The following DNAH8 variants were observed in gnomAD, a reference collection of about 807,000 sequenced individuals.
DNAH8 encodes the protein dynein axonemal heavy chain 8, also known as axonemal beta dynein heavy chain 8.
In DNAH8, 382 loss-of-function variants were observed where a neutral mutation model predicts 562.1. The observed-to-expected ratio is 0.68, with a 90% CI of 0.63 to 0.74. The LOEUF is 0.74. DNAH8 is among the 30% of genes least tolerant of loss of function. The pLI is 0.00. For synonymous variants in DNAH8, 1,881 were observed against 1,919.4 expected (o/e 0.98, Z 0.52); for missense variants, 5,203 against 5,620.4 (o/e 0.93, Z 2.37).
intron 76 of DNAH8, among the ~76,000 whole-genome samples, chr6:38,932,580 T>C (rs1436415606): frequency 6.6e-6 from 1 of 152,190 alleles, no homozygotes; most frequent in African/African-American, 2.4e-5. Context: ...ATGCATAAAA[T>C]ATAATTGCAT....
At chr6:38,731,066 A>G (rs1310553093) in intron 4 of DNAH8, among the ~76,000 whole-genome samples, 1 of 152,150 alleles carries the variant, frequency 6.6e-6, no homozygotes, top group Non-Finnish European at 1.5e-5. Flanking sequence ...TGTTTAATAT[A>G]TGTCTTGTTT....
intron 36 of DNAH8, among the ~76,000 whole-genome samples, chr6:38,847,642 C>T (rs574335925): frequency 6.6e-6 from 1 of 152,234 alleles, no homozygotes; most frequent in South Asian, 2.1e-4. Flanking sequence ...AAACCCCATT[C>T]TACATGTGAA....
intron 65 of DNAH8, among the ~76,000 whole-genome samples, 164 bp from the exon 66 acceptor site, chr6:38,911,304 A>C (rs912006572): frequency 3.3e-5 from 5 of 152,172 alleles, no homozygotes; most frequent in African/African-American, 1.2e-4. Context: ...CATCAGACAG[A>C]TTTAGTCCTT....
chr6:38,905,990 C>G (rs952343768), intron 62 of DNAH8, among the ~76,000 whole-genome samples: 1 of 152,066 alleles, frequency 6.6e-6, no homozygotes, highest in African/African-American at 2.4e-5. Context: ...ACTGCAACCT[C>G]TGCCTCCCGG....
Position 38,791,630 on chromosome 6 carries a change from G to A in DNAH8, c.2857G>A (p.Glu953Lys). The A allele has an allele frequency of 1.9e-6, 3 of 1,614,004 alleles. No homozygotes were observed. Among genetic ancestry groups the A allele is most frequent in the Non-Finnish European group, 2.5e-6 (3 of 1,179,934 alleles). The change falls in exon 21 of 93, where the codon GAA (glutamate) becomes AAA (lysine). Residue 953 changes from glutamate to lysine, a missense_variant. Coordinates refer to ENST00000327475, the MANE Select transcript of DNAH8 (RefSeq NM_001206927.2). ...IAKTVLISLP[E>K]SGATKVEDML... The stretch of plus-strand genomic sequence containing the variant: ...CAAAACTGTGTTGATTTCTCTGCCT[G>A]AAAGTGGTGCTACCAAAGTAGAAGA...
intron 91 of DNAH8, among the ~76,000 whole-genome samples, chr6:39,018,307 A>C (rs1766688126): frequency 6.6e-6 from 1 of 152,100 alleles, no homozygotes; most frequent in African/African-American, 2.4e-5. Flanking sequence ...CACTGTGCTG[A>C]AGCTGCTCTC....
chr6:38,872,873 T>C, intron 50 of DNAH8, 33 bp from the exon 51 acceptor site: 2 of 1,608,466 alleles, frequency 1.2e-6, no homozygotes, highest in Middle Eastern at 1.7e-4. Context: ...TACTTGCAAG[T>C]GAAAAGTGAT....
intron 53 of DNAH8, 52 bp from the exon 54 acceptor site, chr6:38,882,858 T>G (rs1207973358): frequency 7.9e-7 from 1 of 1,267,530 alleles, no homozygotes; most frequent in East Asian, 2.7e-5. Flanking sequence ...TATTATGAGA[T>G]AACTTTCACA....
chr6:38,913,001 G>T (rs777063419), intron 66 of DNAH8, among the ~76,000 whole-genome samples: 28 of 152,150 alleles, frequency 1.8e-4, no homozygotes, highest in Admixed American at 2.6e-4. Flanking sequence ...TAGAGACAGG[G>T]TTTTGCCATG....
At position 38,984,249 on chromosome 6, in the gene DNAH8, A is replaced by G; in HGVS notation, c.12995A>G (p.Gln4332Arg). The G allele has an allele frequency of 6.2e-7, 1 of 1,610,808 alleles. No individual in the cohort carries two copies. The highest frequency in any genetic ancestry group is 8.5e-7 in the Non-Finnish European group (1 of 1,176,948). Residue 4332 changes from glutamine (Q) to arginine (R), a missense_variant, in exon 87 of 93, where the codon CAA becomes CGA. By Grantham distance (43) the Gln-to-Arg change is conservative. This residue lies in a region of DNAH8 where 1,399 missense variants were observed against 1,518.4 expected (regional missense o/e 0.92). Coordinates refer to ENST00000327475, the MANE Select transcript of DNAH8 (RefSeq NM_001206927.2). ...GTTCGGTACATGATCGGAGAAGTAC[A>G]ATATGGAGGCAGAGTGACAGATGAC... Reference protein sequence around the residue: ...NTVRYMIGEVQYGGRVTDDFD... With the variant: ...NTVRYMIGEVRYGGRVTDDFD...
At position 38,723,108 on chromosome 6, in the gene DNAH8, T is replaced by C. The variant is rs1296500620; in HGVS notation, c.299T>C (p.Val100Ala). The C allele has an allele frequency of 6.2e-7, 1 of 1,612,862 alleles. No individual in the cohort carries two copies. The highest frequency in any genetic ancestry group is 2.2e-5 in the East Asian group (1 of 44,888). ...CCGGTTCAGTCAGTGATTTCGGAAGTGCTGTCCTTGCCGTCTTCCCGGAGG... is the reference window on the plus strand; with the variant it reads ...CCGGTTCAGTCAGTGATTTCGGAAGCGCTGTCCTTGCCGTCTTCCCGGAGG... ...PRPVQSVISEVLSLPSSRRSS... is the reference protein window; with the variant it reads ...PRPVQSVISEALSLPSSRRSS... The change falls in exon 2 of 93, where the codon GTG becomes GCG. Residue 100 changes from valine (V) to alanine (A), a missense_variant. Transcript: ENST00000327475.
At position 38,931,999 on chromosome 6, in the gene DNAH8, C is replaced by T; in HGVS notation, c.11457+6C>T. 1 of 1,544,566 alleles carries T rather than the reference C, an allele frequency of 6.5e-7. No homozygotes were observed. Among genetic ancestry groups the T allele is most frequent in the South Asian group, 1.3e-5 (1 of 79,274 alleles). The stretch of plus-strand genomic sequence containing the variant: ...TCATTCTAACAGAGAAACAGGTAAT[C>T]TCTCTCTCAAGGTAAAGAATTTCTG... On this transcript the variant is annotated splice_donor_region_variant and intron_variant, in intron 76 of 92. Transcript: ENST00000327475.
intron 66 of DNAH8, among the ~76,000 whole-genome samples, chr6:38,913,125 A>G (rs928825194): frequency 1.3e-5 from 2 of 152,110 alleles, no homozygotes; most frequent in Non-Finnish European, 2.9e-5. Flanking sequence ...TTCTTATATC[A>G]ATGTTCTTGA....
intron 1 of DNAH8, 130 bp from the exon 2 acceptor site, chr6:38,722,646 A>G: frequency 1.4e-6 from 1 of 730,340 alleles, no homozygotes; most frequent in Admixed American, 3.1e-5. Context: ...CCCATAAACT[A>G]AGCTTCCTTA....
At chr6:38,734,298 A>AC (rs70981585) in intron 4 of DNAH8, among the ~76,000 whole-genome samples, 176 bp from the exon 5 acceptor site, 3 of 144,158 alleles carry the variant, frequency 2.1e-5, no homozygotes, top group Admixed American at 7.1e-5. Flanking sequence ...AAAAAAAAAA[A>AC]GATGTAATTA....
chr6:39,020,939 T>C (rs1288842216), intron 91 of DNAH8, among the ~76,000 whole-genome samples: 1 of 152,232 alleles, frequency 6.6e-6, no homozygotes, highest in Non-Finnish European at 1.5e-5. Flanking sequence ...TTGGGTTGGT[T>C]CCATGTCTTT....
intron 63 of DNAH8, among the ~76,000 whole-genome samples, chr6:38,907,409 T>A (rs1384830346): frequency 6.6e-6 from 1 of 152,186 alleles, no homozygotes; most frequent in Admixed American, 6.5e-5. Flanking sequence ...GATAGATGTT[T>A]GCCATGTATC....
At position 38,915,263 on chromosome 6, in the gene DNAH8, G is replaced by C; in HGVS notation, c.10026G>C (p.Glu3342Asp). 9 of 1,610,942 alleles carry C rather than the reference G, an allele frequency of 5.6e-6. No individual in the cohort carries two copies. Among genetic ancestry groups the C allele is most frequent in the Non-Finnish European group, 7.6e-6 (9 of 1,178,842 alleles). Residue 3342 changes from glutamate to aspartate, a missense_variant, in exon 68 of 93, where the codon GAG becomes GAC. By Grantham distance (45) the Glu-to-Asp change is conservative (BLOSUM62 2). Transcript: ENST00000327475. ...ASAKIKNEVQ[E>D]VKDKAQKIVD... is the part of the protein sequence containing the mutation. ...CCAAAATTAAAAATGAAGTACAGGA[G>C]GTAAAGGACAAAGCCCAAAAAATTG...
chr6:38,730,040 G>A (rs1280591423), intron 4 of DNAH8, 54 bp downstream of exon 4: 9 of 814,586 alleles, frequency 1.1e-5, no homozygotes, highest in Non-Finnish European at 1.6e-5. Flanking sequence ...ACGTTAAAGT[G>A]CAGCATATTT....
Sources: gnomAD v4.1 joint callset for allele counts (sites outside exome capture counted in the v4.1 genomes callset) on GRCh38, gnomAD v4.1.1 for gene constraint, gnomAD v4.1.1 regional missense constraint, MANE v1.5 for transcripts, NCBI Gene and HGNC (gene_info 2026-07-23, HGNC 2026-07-21) for gene names.